STK11: variants seen among roughly 807,000 people sequenced by gnomAD.
STK11 encodes the protein serine/threonine-protein kinase STK11.
In STK11, 8 loss-of-function variants were observed where a neutral mutation model predicts 47.3. The observed-to-expected ratio is 0.17, with a 90% CI of 0.10 to 0.31. The LOEUF (loss-of-function observed/expected upper bound fraction) is 0.31, where lower values mean the gene tolerates loss of function less well. Among genes scored for constraint, STK11 ranks in the 10% least tolerant of loss-of-function variants. The pLI, the probability that STK11 is intolerant of heterozygous loss-of-function variation, is 1.00. For missense variants in STK11, 475 were observed against 605.0 expected (o/e 0.79, Z 2.25); for synonymous variants, 330 against 255.8 (o/e 1.29, Z -2.77).
rs878853986 is a variant in STK11 at position 1,226,598 on chromosome 19, G to C, written c.1253G>C (p.Cys418Ser). 2 of 1,564,394 alleles carry C rather than the reference G, an allele frequency of 1.3e-6. No homozygotes were observed. The highest frequency in any genetic ancestry group is 2.7e-5 in the African/African-American group (2 of 73,418). The change falls in exon 9 of 10, where the codon TGC becomes TCC. Residue 418 changes from cysteine (C) to serine (S), a missense_variant. Cys to Ser is a moderately radical substitution (Grantham distance 112, BLOSUM62 -1). Around this residue, in one of 5 missense-constraint regions of STK11, gnomAD observed 219 missense variants for 189.2 expected, o/e 1.16. Transcript: ENST00000326873. Reference sequence around the variant, plus strand: ...GCCCCCAACCCTGCCCGCAAGGCCTGCTCCGCCAGCAGCAAGATCCGCCGG... The same window carrying C: ...GCCCCCAACCCTGCCCGCAAGGCCTCCTCCGCCAGCAGCAAGATCCGCCGG... The part of the protein sequence containing the change: ...GRAPNPARKA[C>S]SASSKIRRLS...
chr19:1,217,669 C>T (rs564218686), intron 1 of STK11, among the ~76,000 whole-genome samples: 2 of 152,324 alleles, frequency 1.3e-5, no homozygotes, highest in South Asian at 4.1e-4. Context: ...CTGCCCCTTC[C>T]TATGGGCCAT....
intron 1 of STK11, among the ~76,000 whole-genome samples, chr19:1,211,677 C>A (rs1233235452): frequency 6.6e-6 from 1 of 152,250 alleles, no homozygotes; most frequent in African/African-American, 2.4e-5. Context: ...TCTTTTCTTT[C>A]TACCTGTTTG....
At chr19:1,222,586 TGGG>T (rs1036004809) in intron 7 of STK11, among the ~76,000 whole-genome samples, 7 of 152,064 alleles carry the variant, frequency 4.6e-5, no homozygotes, top group African/African-American at 1.7e-4. Context: ...GATTGTGCCT[TGGG>T]GGTCTCTGCA....
intron 1 of STK11, among the ~76,000 whole-genome samples, chr19:1,217,722 C>T (rs1478137807): frequency 6.6e-6 from 1 of 152,192 alleles, no homozygotes; most frequent in Non-Finnish European, 1.5e-5. Context: ...GAGTGGGACC[C>T]TCGGAGTTGG....
At chr19:1,217,561 C>T (rs3795063) in intron 1 of STK11, among the ~76,000 whole-genome samples, 212 of 151,910 alleles carry the variant, frequency 1.4e-3, no homozygotes, top group African/African-American at 4.9e-3. Context: ...GGCAGGTGGG[C>T]GTGGCCAACT....
At chr19:1,218,350 C>A in intron 1 of STK11, 67 bp from the exon 2 acceptor site, 3 of 1,353,416 alleles carry the variant, frequency 2.2e-6, no homozygotes, top group Non-Finnish European at 3.2e-6. Context: ...GGGAGGCCGA[C>A]TCCAGGGATC....
At chr19:1,212,378 GC>G (rs1186171625) in intron 1 of STK11, among the ~76,000 whole-genome samples, 5 of 132,904 alleles carry the variant, frequency 3.8e-5, no homozygotes, top group Admixed American at 1.9e-4. Context: ...TGACCCTCCT[GC>G]CCCCAAGGTA....
chr19:1,225,027 C>T, intron 8 of STK11: 1 of 980,574 alleles, frequency 1.0e-6, no homozygotes, highest in Non-Finnish European at 1.2e-6. Context: ...TCCACTTTGG[C>T]CTCACGTGTC....
intron 9 of STK11, chr19:1,226,935 G>A: frequency 2.2e-6 from 1 of 465,074 alleles, no homozygotes; most frequent in Non-Finnish European, 3.8e-6. Context: ...TCTCAGAGTG[G>A]GTGCATTCCG....
chr19:1,226,407 G>C (rs2145435606), intron 8 of STK11, 47 bp from the exon 9 acceptor site: 1 of 1,587,902 alleles, frequency 6.3e-7, no homozygotes, highest in South Asian at 1.1e-5. Flanking sequence ...CTGTGGCTCT[G>C]GGGTTGCGCC....
Position 1,206,899 on chromosome 19 carries a change from G to A in STK11, c.-15G>A, listed in dbSNP as rs1241940553. 6.4e-7 allele frequency: 1 copy of A among 1,559,286 alleles called. No homozygotes were observed. ...CTCAGGGCTGGCGGCGGGACTCCAGGACCCTGGGTCCAGCATGGAGGTGGT... is the reference window on the plus strand; with the variant it reads ...CTCAGGGCTGGCGGCGGGACTCCAGAACCCTGGGTCCAGCATGGAGGTGGT... On this transcript the variant is annotated 5_prime_UTR_variant, in exon 1 of 10. Coordinates refer to ENST00000326873, the MANE Select transcript of STK11 (RefSeq NM_000455.5).
At chr19:1,226,980 T>G in intron 9 of STK11, 5 of 346,940 alleles carry the variant, frequency 1.4e-5, no homozygotes, top group Non-Finnish European at 2.1e-5. Flanking sequence ...CCCCTCCCCA[T>G]GCCCGCGCCG....
In STK11 at chr19:1,219,304, G is replaced by T. The variant is rs922896647; in HGVS notation, c.375-20G>T. The T allele has an allele frequency of 1.3e-6, 2 of 1,567,674 alleles. No homozygotes were observed. The highest frequency in any genetic ancestry group is 1.7e-6 in the Non-Finnish European group (2 of 1,156,780). On this transcript the variant is annotated intron_variant, in intron 2 of 9. Transcript: ENST00000326873. ...TGTGAGTGGGGCCGCCCCCTGAGCT[G>T]TGTGTCCTTAGCGCCCCACGTATAT...
At chr19:1,221,505 G>C in intron 6 of STK11, 165 bp downstream of exon 6, 1 of 1,099,620 alleles carries the variant, frequency 9.1e-7, no homozygotes, top group South Asian at 1.7e-5. Flanking sequence ...GGTTTGCCAG[G>C]TCCCTCAGCT....
intron 1 of STK11, among the ~76,000 whole-genome samples, chr19:1,211,048 C>T (rs550086541): frequency 5.5e-4 from 83 of 152,230 alleles, no homozygotes; most frequent in African/African-American, 2.0e-3. Context: ...ATAATCCCAG[C>T]TACTTCATCT....
intron 1 of STK11, among the ~76,000 whole-genome samples, chr19:1,216,996 G>A (rs2080749148): frequency 6.6e-6 from 1 of 151,992 alleles, no homozygotes; most frequent in African/African-American, 2.4e-5. Context: ...CTCGTCTGTG[G>A]AAGGGCCCCT....
chr19:1,218,898 G>A (rs999536379), intron 2 of STK11, among the ~76,000 whole-genome samples: 1 of 152,144 alleles, frequency 6.6e-6, no homozygotes, highest in African/African-American at 2.4e-5. Context: ...GCCTCCCTAC[G>A]GGGACTTTGC....
chr19:1,221,820 C>T (rs2080786412), intron 6 of STK11, 129 bp from the exon 7 acceptor site: 9 of 1,071,180 alleles, frequency 8.4e-6, no homozygotes, highest in Admixed American at 6.2e-5. Context: ...ACCGCCTGTG[C>T]GCGGGGTCCC....
intron 2 of STK11, 78 bp downstream of exon 2, chr19:1,218,578 C>A: frequency 8.2e-7 from 1 of 1,226,286 alleles, no homozygotes; most frequent in Non-Finnish European, 1.2e-6. Flanking sequence ...TCGAGGCCTG[C>A]TCCTCTTCCC....
Sources: gnomAD v4.1 joint callset for allele counts (sites outside exome capture counted in the v4.1 genomes callset) on GRCh38, gnomAD v4.1.1 for gene constraint, gnomAD v4.1.1 regional missense constraint, MANE v1.5 for transcripts, NCBI Gene and HGNC (gene_info 2026-07-23, HGNC 2026-07-21) for gene names.